Variants in LCMT2 observed in about 807,000 individuals in gnomAD.
LCMT2 encodes the protein leucine carboxyl methyltransferase 2, also known as tRNA wybutosine-synthesizing protein 4.
Under a neutral mutation model 42.0 loss-of-function variants are expected in LCMT2, and 34 were observed. The ratio of observed to expected loss-of-function variants is 0.81; its 90% CI spans 0.62 to 1.08. LCMT2 has a LOEUF of 1.08. LCMT2 is among the 50% of genes least tolerant of loss of function. The pLI is 0.00. For missense variants in LCMT2, 1,091 were observed against 889.4 expected (o/e 1.23, Z -2.88); for synonymous variants, 445 against 369.5 (o/e 1.20, Z -2.34).
At position 43,323,682 on chromosome 15, in the gene LCMT2, T is replaced by C. The variant is rs2043104091; in HGVS notation, c.*4747A>G. On this transcript the variant is annotated 3_prime_UTR_variant, in exon 1 of 1. Transcript: ENST00000305641. ...AAGGTTCAGGTTTATTCCATAAAGA[T>C]AGAAATGACACCAGAAAGTCTACCA... The C allele has an allele frequency of 1.3e-5, 2 of 152,186 alleles. No homozygotes were observed. Among genetic ancestry groups the C allele is most frequent in the African/African-American group, 4.8e-5 (2 of 41,450 alleles). 9.4% of individuals were successfully genotyped at this position (152,186 alleles called of 1,614,324 possible).
chr15:43,325,678 A>G lies in LCMT2; in HGVS notation c.*2751T>C, dbSNP rs2043114186. The G allele has an allele frequency of 6.6e-6, 1 of 152,260 alleles. No homozygotes were observed. Among genetic ancestry groups the G allele is most frequent in the South Asian group, 2.1e-4 (1 of 4,834 alleles). 9.4% of individuals were successfully genotyped at this position (152,260 alleles called of 1,614,324 possible). A position where few individuals can be genotyped will look rare whatever the true frequency, so the allele number is the denominator to read the frequency against. ...CCTAATTTAGGTCTGGCACACGTCCACATTCTCTAGATGACCTCCCTCCTC... is the reference window on the plus strand; with the variant it reads ...CCTAATTTAGGTCTGGCACACGTCCGCATTCTCTAGATGACCTCCCTCCTC... On this transcript the variant is annotated 3_prime_UTR_variant, in exon 1 of 1. Transcript: ENST00000305641.
In LCMT2 at chr15:43,330,323, T is replaced by C; in HGVS notation, c.167A>G (p.Tyr56Cys). Residue 56 changes from tyrosine to cysteine, a missense_variant, in exon 1 of 1, where the codon TAC (tyrosine) becomes TGC (cysteine). Coordinates refer to ENST00000305641, the MANE Select transcript of LCMT2 (RefSeq NM_014793.5). Reference protein sequence around the residue: ...ARRAPLIHRGYYVRARAVRHC... With the variant: ...ARRAPLIHRGCYVRARAVRHC... ...CCTCACGGCGCGTGCGCGGACGTAG[T>C]AGCCTCGGTGAATGAGCGGTGCGCG... 6.2e-7 allele frequency: 1 copy of C among 1,601,618 alleles called. No individual in the cohort carries two copies. The highest frequency in any genetic ancestry group is 1.7e-5 in the Admixed American group (1 of 57,938).
chr15:43,327,515 G>C lies in LCMT2; in HGVS notation c.*914C>G, dbSNP rs1339555851. 2 of 152,226 alleles carry C rather than the reference G, an allele frequency of 1.3e-5. No individual in the cohort carries two copies. The highest frequency in any genetic ancestry group is 4.8e-5 in the African/African-American group (2 of 41,458). 9.4% of individuals were successfully genotyped at this position (152,226 alleles called of 1,614,324 possible). ...TCTTCAGGAAAGGATTACACGGCAG[G>C]AGCTGTAGCCTTTGACAGAAGAATG... On this transcript the variant is annotated 3_prime_UTR_variant, in exon 1 of 1. Coordinates refer to ENST00000305641, the MANE Select transcript of LCMT2 (RefSeq NM_014793.5).
In LCMT2 at chr15:43,327,991, AC is replaced by A. The variant is rs1301188803; in HGVS notation, c.*437del. 1 of 165,370 alleles carries A rather than the reference AC, an allele frequency of 6.0e-6. No individual in the cohort carries two copies. 10.2% of individuals were successfully genotyped at this position (165,370 alleles called of 1,614,324 possible). ...GTTTCCTACATGAAGAATTGTCAAT[AC>A]TACGCTCCCTCAACTATATTCAACC... On this transcript the variant is annotated 3_prime_UTR_variant, in exon 1 of 1. Coordinates refer to ENST00000305641, the MANE Select transcript of LCMT2 (RefSeq NM_014793.5).
In LCMT2 at chr15:43,329,057, C is replaced by G. The variant is rs141695957; in HGVS notation, c.1433G>C (p.Cys478Ser). The change falls in exon 1 of 1, where the codon TGT becomes TCT. Residue 478 changes from cysteine (C) to serine (S), a missense_variant. By Grantham distance (112) the Cys-to-Ser change is moderately radical. Coordinates refer to ENST00000305641, the MANE Select transcript of LCMT2 (RefSeq NM_014793.5). ...KAGRKDDSTLCCWRHSTTEVS... is the reference protein window; with the variant it reads ...KAGRKDDSTLSCWRHSTTEVS... Reference sequence around the variant, plus strand: ...TTCTGTTGTTGAATGCCGCCAACAACACAAAGTGGAATCATCCTTTCGGCC... The same window carrying G: ...TTCTGTTGTTGAATGCCGCCAACAAGACAAAGTGGAATCATCCTTTCGGCC... 6 of 1,614,086 alleles carry G rather than the reference C, an allele frequency of 3.7e-6. No homozygotes were observed. In the African/African-American group the frequency reaches 8.0e-5, roughly 22 times the overall value.
rs930623531 is a variant in LCMT2, at chr15:43,325,356, C to G, written c.*3073G>C. 2 of 152,200 alleles carry G rather than the reference C, an allele frequency of 1.3e-5. No homozygotes were observed. The highest frequency in any genetic ancestry group is 4.8e-5 in the African/African-American group (2 of 41,438). The allele number at this position is 152,200 out of a possible 1,614,324, so 9.4% of individuals were successfully genotyped here. On this transcript the variant is annotated 3_prime_UTR_variant, in exon 1 of 1. Transcript: ENST00000305641. ...GCTTTGGTTCTCAATCTGGCTCACACCTCCAACTGTGCAGATTACTGTTAA... is the reference window on the plus strand; with the variant it reads ...GCTTTGGTTCTCAATCTGGCTCACAGCTCCAACTGTGCAGATTACTGTTAA...
chr15:43,327,888 G>A lies in LCMT2; in HGVS notation c.*541C>T, dbSNP rs938430855. 1.9e-5 allele frequency: 3 copies of A among 153,878 alleles called. No individual in the cohort carries two copies. Among genetic ancestry groups the A allele is most frequent in the Admixed American group, 1.3e-4 (2 of 15,618 alleles). 9.5% of individuals were successfully genotyped at this position (153,878 alleles called of 1,614,324 possible). On this transcript the variant is annotated 3_prime_UTR_variant, in exon 1 of 1. Coordinates refer to ENST00000305641, the MANE Select transcript of LCMT2 (RefSeq NM_014793.5). ...AAAGGAAGTCCTACAAGTGTTTCCTGTTGTTAAAACTATCCGAGTTTTCTG... is the reference window on the plus strand; with the variant it reads ...AAAGGAAGTCCTACAAGTGTTTCCTATTGTTAAAACTATCCGAGTTTTCTG...
At position 43,328,228 on chromosome 15, in the gene LCMT2, T is replaced by C. The variant is rs1173031422; in HGVS notation, c.*201A>G. ...TACTCCTCTCGGACTGCATGGCCAC[T>C]GTCTTCAGCTGTTTTCTGTAGTGAT... On this transcript the variant is annotated 3_prime_UTR_variant, in exon 1 of 1. Coordinates refer to ENST00000305641, the MANE Select transcript of LCMT2 (RefSeq NM_014793.5). 3.4e-6 allele frequency: 2 copies of C among 581,250 alleles called. No individual in the cohort carries two copies. The highest frequency in any genetic ancestry group is 6.0e-6 in the Non-Finnish European group (2 of 335,086). 36.0% of individuals were successfully genotyped at this position (581,250 alleles called of 1,614,324 possible).
In LCMT2 at chr15:43,328,549, A is replaced by T; in HGVS notation, c.1941T>A (p.Leu647=). The T allele has an allele frequency of 6.2e-7, 1 of 1,614,254 alleles. No individual in the cohort carries two copies. Among genetic ancestry groups the T allele is most frequent in the Non-Finnish European group, 8.5e-7 (1 of 1,180,042 alleles). Residue 647 remains leucine (L), a synonymous_variant, in exon 1 of 1, where the codon CTT becomes CTA. Coordinates refer to ENST00000305641, the MANE Select transcript of LCMT2 (RefSeq NM_014793.5). ...PLMLHNHTSI[L]LPEEQQLLLL... ...GCAGGAGCTGTTGCTCTTCAGGAAGAAGGATACTAGTATGGTTGTGTAACA... is the reference window on the plus strand; with the variant it reads ...GCAGGAGCTGTTGCTCTTCAGGAAGTAGGATACTAGTATGGTTGTGTAACA...
In LCMT2 at chr15:43,328,171, G is replaced by A. The variant is rs1194751489; in HGVS notation, c.*258C>T. On this transcript the variant is annotated 3_prime_UTR_variant, in exon 1 of 1. Coordinates refer to ENST00000305641, the MANE Select transcript of LCMT2 (RefSeq NM_014793.5). The stretch of plus-strand genomic sequence containing the variant: ...TAAAGACCACTGTAACTCAATAAAC[G>A]AACTTAGATTAGAAAATTAGAGGCA... 1 of 416,688 alleles carries A rather than the reference G, an allele frequency of 2.4e-6. No homozygotes were observed. 25.8% of individuals were successfully genotyped at this position (416,688 alleles called of 1,614,324 possible).
rs1357536243 is a variant in LCMT2 at position 43,330,186 on chromosome 15, C to T, written c.304G>A (p.Ala102Thr). The change falls in exon 1 of 1, where the codon GCG becomes ACG. Residue 102 changes from alanine to threonine, a missense_variant. Physicochemically the swap from Ala to Thr is moderately conservative, Grantham distance 58 (BLOSUM62 0). Transcript: ENST00000305641. ...FDSLYFRLKTAGRLARAAVWE... is the reference protein window; with the variant it reads ...FDSLYFRLKTTGRLARAAVWE... ...ACTGCAGCCCGGGCCAGGCGGCCCGCGGTTTTTAAGCGAAAATAGAGCGAG... is the reference window on the plus strand; with the variant it reads ...ACTGCAGCCCGGGCCAGGCGGCCCGTGGTTTTTAAGCGAAAATAGAGCGAG... 1.9e-6 allele frequency: 3 copies of T among 1,611,636 alleles called. No homozygotes were observed.
At position 43,327,403 on chromosome 15, in the gene LCMT2, C is replaced by G. The variant is rs924685295; in HGVS notation, c.*1026G>C. 7.2e-5 allele frequency: 11 copies of G among 152,182 alleles called. No homozygotes were observed. The highest frequency in any genetic ancestry group is 1.0e-4 in the Non-Finnish European group (7 of 68,040). 9.4% of individuals were successfully genotyped at this position (152,182 alleles called of 1,614,324 possible). ...ATTGGACAGTACAGTTCAGGTCTAG[C>G]AAAGAGCCATCACAACTCCTAGGCC... is the stretch of plus-strand genomic sequence containing the variant. On this transcript the variant is annotated 3_prime_UTR_variant, in exon 1 of 1. Transcript: ENST00000305641.
rs2043105761 is a variant in LCMT2, at chr15:43,324,048, TGCTTACTTACA to T, written c.*4370_*4380del. ...ACAGATAAGTAAGCAGTCTTGTAAC[TGCTTACTTACA>T]TGTGGGATGACAGAATTCTTGTTTA... On this transcript the variant is annotated 3_prime_UTR_variant, in exon 1 of 1. Transcript: ENST00000305641. 4 of 152,284 alleles carry T rather than the reference TGCTTACTTACA, an allele frequency of 2.6e-5. No homozygotes were observed. The South Asian group carries it at 8.3e-4, about 32-fold the overall frequency. 9.4% of individuals were successfully genotyped at this position (152,284 alleles called of 1,614,324 possible).
Position 43,328,883 on chromosome 15 carries a change from G to A in LCMT2, c.1607C>T (p.Ser536Phe). The A allele has an allele frequency of 6.2e-7, 1 of 1,613,924 alleles. No homozygotes were observed. The highest frequency in any genetic ancestry group is 8.5e-7 in the Non-Finnish European group (1 of 1,180,022). Residue 536 changes from serine to phenylalanine, a missense_variant, in exon 1 of 1, where the codon TCT becomes TTT. Transcript: ENST00000305641. ...CCCTTGCCAAGTGCAGGCACTGTGA[G>A]AATGCCGGGCTTCAGGTACTTCTCC... Reference protein sequence around the residue: ...VEGEVPEARHSHSACTWQGGA... With the variant: ...VEGEVPEARHFHSACTWQGGA...
rs45526735 is a variant in LCMT2 at position 43,329,569 on chromosome 15, G to A, written c.921C>T (p.Phe307=). 9.5e-4 allele frequency: 1,535 copies of A among 1,614,100 alleles called. 32 individuals are homozygous for A. In the Admixed American group the frequency reaches 0.024, roughly 25 times the overall value. The stretch of plus-strand genomic sequence containing the variant: ...TGTCTCCCCTAGAAGCTGCCAGAAT[G>A]AAATAATGGGCGCACTTCAGATGCC... The part of the protein sequence containing the change: ...EEWHLKCAHY[F]ILAASRGDTL... Residue 307 remains phenylalanine (F), a synonymous_variant, in exon 1 of 1, where the codon TTC becomes TTT. Coordinates refer to ENST00000305641, the MANE Select transcript of LCMT2 (RefSeq NM_014793.5).
Position 43,328,209 on chromosome 15 carries a change from T to C in LCMT2, c.*220A>G, listed in dbSNP as rs745489564. On this transcript the variant is annotated 3_prime_UTR_variant, in exon 1 of 1. Coordinates refer to ENST00000305641, the MANE Select transcript of LCMT2 (RefSeq NM_014793.5). ...AAAATTAGAGGCAGACCACTACTCC[T>C]CTCGGACTGCATGGCCACTGTCTTC... The C allele has an allele frequency of 1.6e-5, 9 of 550,992 alleles. No individual in the cohort carries two copies. Among genetic ancestry groups the C allele is most frequent in the Non-Finnish European group, 2.6e-5 (8 of 313,644 alleles). The allele number at this position is 550,992 out of a possible 1,614,324, so 34.1% of individuals were successfully genotyped here. A position where few individuals can be genotyped will look rare whatever the true frequency, so the allele number is the denominator to read the frequency against.
At position 43,326,840 on chromosome 15, in the gene LCMT2, C is replaced by T. The variant is rs897086997; in HGVS notation, c.*1589G>A. 1 of 152,230 alleles carries T rather than the reference C, an allele frequency of 6.6e-6. No homozygotes were observed. The highest frequency in any genetic ancestry group is 2.4e-5 in the African/African-American group (1 of 41,468). 9.4% of individuals were successfully genotyped at this position (152,230 alleles called of 1,614,324 possible). A position where few individuals can be genotyped will look rare whatever the true frequency, so the allele number is the denominator to read the frequency against. On this transcript the variant is annotated 3_prime_UTR_variant, in exon 1 of 1. Coordinates refer to ENST00000305641, the MANE Select transcript of LCMT2 (RefSeq NM_014793.5). ...TGGTTTTTATATTAATCACCTTTCA[C>T]ATCCATTTATATGCAAAATTAATAG...
At position 43,329,337 on chromosome 15, in the gene LCMT2, G is replaced by C; in HGVS notation, c.1153C>G (p.Arg385Gly). 2 of 1,614,104 alleles carry C rather than the reference G, an allele frequency of 1.2e-6. No homozygotes were observed. The highest frequency in any genetic ancestry group is 1.7e-6 in the Non-Finnish European group (2 of 1,180,040). ...GAGAGCAAGTGAAACTGGCTCACTC[G>C]GCAGTGCCGCCCCTCCTGCTCTCCA... The part of the protein sequence containing the change: ...GFGEQEGRHC[R>G]VSQFHLLSRD... Residue 385 changes from arginine to glycine, a missense_variant, in exon 1 of 1, where the codon CGA becomes GGA. Coordinates refer to ENST00000305641, the MANE Select transcript of LCMT2 (RefSeq NM_014793.5).
chr15:43,325,883 C>T lies in LCMT2; in HGVS notation c.*2546G>A, dbSNP rs1054613286. The T allele has an allele frequency of 6.6e-6, 1 of 152,200 alleles. No homozygotes were observed. Among genetic ancestry groups the T allele is most frequent in the Non-Finnish European group, 1.5e-5 (1 of 68,076 alleles). The allele number at this position is 152,200 out of a possible 1,614,324, so 9.4% of individuals were successfully genotyped here. A position where few individuals can be genotyped will look rare whatever the true frequency, so the allele number is the denominator to read the frequency against. ...GTTGTTATTACTAGAGACAGGGTCTCACTCTGTCACCCAAGCTGGAGAGCA... is the reference window on the plus strand; with the variant it reads ...GTTGTTATTACTAGAGACAGGGTCTTACTCTGTCACCCAAGCTGGAGAGCA... On this transcript the variant is annotated 3_prime_UTR_variant, in exon 1 of 1. Coordinates refer to ENST00000305641, the MANE Select transcript of LCMT2 (RefSeq NM_014793.5).
Sources: allele counts gnomAD v4.1 joint callset, GRCh38; gene constraint gnomAD v4.1.1; transcripts MANE v1.5; gene names NCBI Gene and HGNC (gene_info 2026-07-23, HGNC 2026-07-21).